Variants in LY6S observed in about 807,000 individuals in gnomAD.
The protein encoded by LY6S is lymphocyte antigen 6S.
chr8:143,048,453 CT>C, the LY6S span, among the ~76,000 whole-genome samples: 89 of 146,010 alleles, frequency 6.1e-4, no homozygotes, highest in African/African-American at 2.2e-3. Context: ...ATCGGGTTTT[CT>C]GTTTTACAAA....
At chr8:143,070,441 ATAT>A in the LY6S span, among the ~76,000 whole-genome samples, 18 of 72,018 alleles carry the variant, frequency 2.5e-4, no homozygotes, top group African/African-American at 1.6e-3. Context: ...TATTATATAT[ATAT>A]TGTATATATA....
the LY6S span, among the ~76,000 whole-genome samples, chr8:143,070,477 A>ATTTTTT: frequency 8.8e-5 from 1 of 11,328 alleles, no homozygotes; most frequent in African/African-American, 1.8e-4. Flanking sequence ...ATATATATAA[A>ATTTTTT]TATATATATA....
At chr8:143,047,434 G>A in the LY6S span, among the ~76,000 whole-genome samples, 4 of 152,130 alleles carry the variant, frequency 2.6e-5, no homozygotes, top group Admixed American at 2.0e-4. Context: ...GAGAGGCACG[G>A]CGCCTGGCCC....
At chr8:143,074,861 G>A in the LY6S span, among the ~76,000 whole-genome samples, 13 of 152,208 alleles carry the variant, frequency 8.5e-5, no homozygotes, top group Non-Finnish European at 1.3e-4. Flanking sequence ...TGACTAACCC[G>A]CCCTCAGCAC....
chr8:143,055,858 G>A, the LY6S span, among the ~76,000 whole-genome samples: 3 of 152,046 alleles, frequency 2.0e-5, no homozygotes, highest in Non-Finnish European at 4.4e-5. Flanking sequence ...CTTAGACGAC[G>A]CCAATAGAGT....
the LY6S span, among the ~76,000 whole-genome samples, chr8:143,072,752 T>C: frequency 9.8e-4 from 76 of 77,526 alleles, 1 homozygote; most frequent in Middle Eastern, 9.8e-3. Flanking sequence ...GCCGTCGTCC[T>C]CGGGGTTCCT....
At chr8:143,051,865 G>A in the LY6S span, among the ~76,000 whole-genome samples, 23 of 151,612 alleles carry the variant, frequency 1.5e-4, no homozygotes, top group Admixed American at 1.4e-3. Flanking sequence ...CCAGCTACTC[G>A]GGAGGCTGAG....
chr8:143,042,929 A>G, the LY6S span: 2 of 1,145,912 alleles, frequency 1.7e-6, no homozygotes, highest in Non-Finnish European at 2.4e-6. Context: ...GAGGACAAGG[A>G]GTTTAAGCAG....
chr8:143,048,418 C>T, the LY6S span, among the ~76,000 whole-genome samples: 1 of 151,816 alleles, frequency 6.6e-6, no homozygotes, highest in Non-Finnish European at 1.5e-5. Context: ...GCCGCCACCT[C>T]GTGGCCATTG....
At chr8:143,043,358 G>A in the LY6S span, 1 of 791,128 alleles carries the variant, frequency 1.3e-6, no homozygotes, top group Non-Finnish European at 1.8e-6. Flanking sequence ...AGCGGGGTGG[G>A]GGATGAGCAG....
the LY6S span, among the ~76,000 whole-genome samples, chr8:143,070,770 C>T: frequency 6.6e-6 from 1 of 151,980 alleles, no homozygotes; most frequent in Non-Finnish European, 1.5e-5. Flanking sequence ...CAGGCGTGAG[C>T]CACCGTGCCC....
chr8:143,066,406 C>T, the LY6S span: 1 of 196,898 alleles, frequency 5.1e-6, no homozygotes, highest in Non-Finnish European at 1.0e-5. Flanking sequence ...AGGTGATCCA[C>T]CCACCTTGGT....
the LY6S span, among the ~76,000 whole-genome samples, chr8:143,073,262 T>C: frequency 2.4e-3 from 231 of 95,926 alleles, 9 homozygotes; most frequent in African/African-American, 7.6e-3. Flanking sequence ...GCTGTCGTCC[T>C]CGGGGTCCCT....
At chr8:143,072,339 C>T in the LY6S span, among the ~76,000 whole-genome samples, 1 of 142,334 alleles carries the variant, frequency 7.0e-6, no homozygotes, top group African/African-American at 2.6e-5. Context: ...AGACAGCCGT[C>T]GTCCTCGGGG....
At chr8:143,070,475 A>AATATATATATATAATATATATAT in the LY6S span, among the ~76,000 whole-genome samples, 4 of 44,536 alleles carry the variant, frequency 9.0e-5, no homozygotes, top group Admixed American at 3.4e-4. Context: ...ATATATATAT[A>AATATATATATATAATATATATAT]AATATATATA....
At chr8:143,067,609 C>T in the LY6S span, among the ~76,000 whole-genome samples, 1,972 of 152,310 alleles carry the variant, frequency 0.013, 45 homozygotes, top group African/African-American at 0.045. Flanking sequence ...GGACCCGCGT[C>T]GGCGCTGGTC....
chr8:143,070,473 ATAAATATATATATATATT>A, the LY6S span, among the ~76,000 whole-genome samples: 1 of 35,070 alleles, frequency 2.9e-5, no homozygotes, highest in African/African-American at 8.4e-5. Flanking sequence ...TAATATATAT[ATAAATATATATATATATT>A]TTTTTTTTTT....
the LY6S span, among the ~76,000 whole-genome samples, chr8:143,070,367 A>ATATATATATATAAATATATATATATT: frequency 1.5e-5 from 2 of 130,414 alleles, no homozygotes; most frequent in African/African-American, 6.0e-5. Context: ...TCCAGCTGAT[A>ATATATATATATAAATATATATATATT]TATATATATA....
chr8:143,066,148 ATTTCTTTTCTTTTCT>A, the LY6S span: 3 of 253,434 alleles, frequency 1.2e-5, no homozygotes, highest in South Asian at 8.0e-5. Context: ...CCAATGATGA[ATTTCTTTTCTTTTCT>A]TTTCTTTTCT....
Sources: allele counts gnomAD v4.1 joint callset (sites outside exome capture counted in the v4.1 genomes callset), GRCh38; gene constraint gnomAD v4.1.1; transcripts MANE v1.5; gene names NCBI Gene and HGNC (gene_info 2026-07-23, HGNC 2026-07-21).